The following TMEM45B variants were observed in gnomAD, a reference collection of about 807,000 sequenced individuals.
TMEM45B encodes the protein transmembrane protein 45B.
Under a neutral mutation model 27.3 loss-of-function variants are expected in TMEM45B, and 29 were observed. The ratio of observed to expected loss-of-function variants is 1.06; its 90% CI spans 0.79 to 1.45. The LOEUF (loss-of-function observed/expected upper bound fraction) is 1.45, where lower values mean the gene tolerates loss of function less well. Ranked by LOEUF, TMEM45B falls within the 40% of genes most tolerant of loss-of-function variation. The pLI is 0.00. For missense variants in TMEM45B, 348 were observed against 343.9 expected, an observed-to-expected ratio of 1.01 and a Z score of -0.09; for synonymous variants, 143 against 134.7, an observed-to-expected ratio of 1.06 and a Z score of -0.43.
chr11:129,843,698 TC>T (rs983745360), intron 1 of TMEM45B, among the ~76,000 whole-genome samples: 23 of 151,848 alleles, frequency 1.5e-4, no homozygotes, highest in African/African-American at 5.6e-4. Flanking sequence ...ATGCTCAACA[TC>T]ACTAATCGTC....
At position 129,826,283 on chromosome 11, in the gene TMEM45B, C is replaced by A. The variant is rs931768075; in HGVS notation, c.-9+10385C>A. On this transcript the variant is annotated intron_variant, in intron 1 of 5. Transcript: ENST00000281441. ...CAAATAAAGAGGCCGGGCGCGGTGG[C>A]TCACGCCTGTAATCCCAGCACTTTG... is the stretch of plus-strand genomic sequence containing the variant. Among the ~76,000 whole-genome samples, 66 of 152,206 alleles carry A rather than the reference C, an allele frequency of 4.3e-4. 1 individual carries two copies. Among genetic ancestry groups the A allele is most frequent in the Admixed American group, 2.0e-3 (30 of 15,290 alleles).
intron 1 of TMEM45B, 145 bp downstream of exon 1, chr11:129,816,043 C>T: frequency 2.5e-6 from 3 of 1,186,586 alleles, no homozygotes; most frequent in Non-Finnish European, 3.2e-6. Flanking sequence ...CAGGGAGGGG[C>T]TCTGGGACAG....
chr11:129,815,897 A>T lies in TMEM45B; in HGVS notation c.-10A>T, dbSNP rs1947343825. ...CAGACGGCTGCGAGGCGCTGGGCAC[A>T]GGTCAGACGTCCGTACCCGCAGGGG... On this transcript the variant is annotated splice_region_variant and 5_prime_UTR_variant, in exon 1 of 6. Transcript: ENST00000281441. 2 of 1,281,910 alleles carry T rather than the reference A, an allele frequency of 1.6e-6. No individual in the cohort carries two copies. The highest frequency in any genetic ancestry group is 2.0e-6 in the Non-Finnish European group (2 of 1,020,382). 79.4% of individuals were successfully genotyped at this position (1,281,910 alleles called of 1,614,324 possible).
At chr11:129,838,263 G>A (rs1317998103) in intron 1 of TMEM45B, among the ~76,000 whole-genome samples, 1 of 152,112 alleles carries the variant, frequency 6.6e-6, no homozygotes, top group East Asian at 1.9e-4. Context: ...GCCACAAGAG[G>A]CTTGGTTGTG....
chr11:129,837,380 G>A (rs1382922853), intron 1 of TMEM45B, among the ~76,000 whole-genome samples: 1 of 151,604 alleles, frequency 6.6e-6, no homozygotes, highest in Non-Finnish European at 1.5e-5. Flanking sequence ...CTGCCTCCCG[G>A]GTTCAAGAGA....
At chr11:129,836,269 C>G (rs1243683714) in intron 1 of TMEM45B, among the ~76,000 whole-genome samples, 1 of 128,074 alleles carries the variant, frequency 7.8e-6, no homozygotes, top group Non-Finnish European at 1.6e-5. Context: ...AATTTCTTGT[C>G]TGGTCGTAAA....
intron 1 of TMEM45B, among the ~76,000 whole-genome samples, chr11:129,821,654 T>A (rs1228759488): frequency 1.3e-5 from 2 of 152,216 alleles, no homozygotes; most frequent in African/African-American, 4.8e-5. Flanking sequence ...TATGGGATAT[T>A]AATCAGAAAT....
At position 129,854,764 on chromosome 11, in the gene TMEM45B, C is replaced by T. The variant is rs767679668; in HGVS notation, c.333C>T (p.His111=). 2.0e-5 allele frequency: 32 copies of T among 1,614,050 alleles called. No homozygotes were observed. Among genetic ancestry groups the T allele is most frequent in the Non-Finnish European group, 2.6e-5 (31 of 1,180,042 alleles). Residue 111 remains histidine (H), a synonymous_variant, in exon 3 of 6, where the codon CAC becomes CAT. Transcript: ENST00000281441. ...IVDMLTYLVS[H]VPLGVDRLVM... is the part of the protein sequence containing the mutation. ...ACATGCTCACCTATCTGGTCAGCCA[C>T]GTTCCCTTGGGGGTGGACAGACTGG... is the stretch of plus-strand genomic sequence containing the variant.
chr11:129,844,275 C>A (rs1345977753), intron 1 of TMEM45B, among the ~76,000 whole-genome samples: 2 of 152,050 alleles, frequency 1.3e-5, no homozygotes, highest in East Asian at 3.9e-4. Flanking sequence ...AATAGAATAC[C>A]TGTTACCAGG....
chr11:129,850,881 G>A (rs190525202), intron 1 of TMEM45B, among the ~76,000 whole-genome samples: 68 of 152,180 alleles, frequency 4.5e-4, no homozygotes, highest in Middle Eastern at 3.4e-3. Context: ...TCACTTCAAA[G>A]CTGTTCCAGC....
chr11:129,847,417 A>AT (rs777733202), intron 1 of TMEM45B, among the ~76,000 whole-genome samples: 165 of 140,298 alleles, frequency 1.2e-3, no homozygotes, highest in Non-Finnish European at 1.9e-3. Flanking sequence ...ATTTTTTTTT[A>AT]TTTTTTTTTA....
intron 1 of TMEM45B, among the ~76,000 whole-genome samples, chr11:129,845,164 G>A (rs1471298958): frequency 6.6e-6 from 1 of 152,006 alleles, no homozygotes; most frequent in Non-Finnish European, 1.5e-5. Flanking sequence ...ACATAAATAT[G>A]ATATGTACAT....
At chr11:129,846,764 G>GC (rs1303263847) in intron 1 of TMEM45B, among the ~76,000 whole-genome samples, 1 of 152,212 alleles carries the variant, frequency 6.6e-6, no homozygotes, top group Non-Finnish European at 1.5e-5. Flanking sequence ...TATTGTACAT[G>GC]CAGGAGTCAC....
At chr11:129,842,124 C>A (rs10894152) in intron 1 of TMEM45B, among the ~76,000 whole-genome samples, 13,614 of 151,956 alleles carry the variant, frequency 0.09, 712 homozygotes, top group Admixed American at 0.11. Flanking sequence ...TGATCCAATT[C>A]GAAAAACAGA....
At position 129,852,601 on chromosome 11, in the gene TMEM45B, A is replaced by G. The variant is rs762277644; in HGVS notation, c.119A>G (p.His40Arg). ...CACACGCGGAAGAACAGCCCACTAC[A>G]TTACTATCAGCGTCTCGAGATCGTC... ...FSHTRKNSPL[H>R]YYQRLEIVEA... The change falls in exon 2 of 6, where the codon CAT (histidine) becomes CGT (arginine). Residue 40 changes from histidine to arginine, a missense_variant. By Grantham distance (29) the His-to-Arg change is conservative (BLOSUM62 0). Coordinates refer to ENST00000281441, the MANE Select transcript of TMEM45B (RefSeq NM_138788.5). The G allele has an allele frequency of 3.7e-6, 6 of 1,613,020 alleles. No homozygotes were observed. Among genetic ancestry groups the G allele is most frequent in the African/African-American group, 1.3e-5 (1 of 74,860 alleles).
chr11:129,852,870 C>A, intron 2 of TMEM45B: 2 of 421,108 alleles, frequency 4.7e-6, no homozygotes, highest in Non-Finnish European at 8.1e-6. Context: ...TCATGGGACA[C>A]TGTGAAAAAC....
Position 129,837,585 on chromosome 11 carries a change from C to CTTTTTTTTTTTTTCTTTTTTTTT in TMEM45B, c.-8-14877_-8-14876insCTTTTTTTTTTTTTTTTTTTTTT, listed in dbSNP as rs1947637532. ...TACAGGCATGAGCCACTGCACTGGG[C>CTTTTTTTTTTTTTCTTTTTTTTT]TTTTTTTTTTTTTTTGAGACAGGGT... On this transcript the variant is annotated intron_variant, in intron 1 of 5. Coordinates refer to ENST00000281441, the MANE Select transcript of TMEM45B (RefSeq NM_138788.5). 5.0e-5 allele frequency among the ~76,000 whole-genome samples: 4 copies of CTTTTTTTTTTTTTCTTTTTTTTT among 80,294 alleles called. 2 individuals are homozygous for CTTTTTTTTTTTTTCTTTTTTTTT. The East Asian group carries it at 1.8e-3, about 36-fold the overall frequency. 52.7% of individuals were successfully genotyped at this position (80,294 alleles called of 152,430 possible).
At position 129,854,634 on chromosome 11, in the gene TMEM45B, C is replaced by T. The variant is rs936563458; in HGVS notation, c.203C>T (p.Pro68Leu). ...VTGILAEQFV[P>L]DGPHLHLYHE... ...GGGATCCTGGCAGAGCAGTTTGTTC[C>T]GGATGGGCCCCACCTGCACCTCTAC... Residue 68 changes from proline to leucine, a missense_variant, in exon 3 of 6, where the codon CCG (proline) becomes CTG (leucine). Physicochemically the swap from Pro to Leu is moderately conservative, Grantham distance 98. Coordinates refer to ENST00000281441, the MANE Select transcript of TMEM45B (RefSeq NM_138788.5). 25 of 1,614,050 alleles carry T rather than the reference C, an allele frequency of 1.5e-5. No individual in the cohort carries two copies. Among genetic ancestry groups the T allele is most frequent in the South Asian group, 4.4e-5 (4 of 91,094 alleles).
intron 1 of TMEM45B, among the ~76,000 whole-genome samples, chr11:129,842,944 A>G (rs1406949935): frequency 1.3e-5 from 2 of 152,224 alleles, no homozygotes; most frequent in African/African-American, 4.8e-5. Context: ...CTTACTACTC[A>G]ATAGTAAAAA....
Sources: allele counts gnomAD v4.1 joint callset (sites outside exome capture counted in the v4.1 genomes callset), GRCh38; gene constraint gnomAD v4.1.1; transcripts MANE v1.5; gene names NCBI Gene and HGNC (gene_info 2026-07-23, HGNC 2026-07-21).